Variants in SIPA1L1 observed in about 807,000 individuals in gnomAD.
SIPA1L1 encodes signal-induced proliferation-associated 1-like protein 1.
In SIPA1L1, 26 loss-of-function variants were observed where a neutral mutation model predicts 162.7. The observed-to-expected ratio is 0.16, with a 90% CI of 0.12 to 0.22. The LOEUF (loss-of-function observed/expected upper bound fraction) is 0.22. Among genes scored for constraint, SIPA1L1 ranks in the 10% least tolerant of loss-of-function variants. The pLI is 1.00. For synonymous variants in SIPA1L1, 829 were observed against 837.4 expected (o/e 0.99, Z 0.17); for missense variants, 1,874 against 2,241.0 (o/e 0.84, Z 3.31).
At chr14:71,512,078 A>G (rs961288001) in intron 2 of SIPA1L1, among the ~76,000 whole-genome samples, 2 of 151,930 alleles carry the variant, frequency 1.3e-5, no homozygotes, top group African/African-American at 4.8e-5. Context: ...GTCATGGGAA[A>G]CTCCCTTCCC....
At position 71,503,990 on chromosome 14, in the gene SIPA1L1, A is replaced by T. The variant is rs1276492107; in HGVS notation, c.-464-8753A>T. 4 of 151,936 alleles carry T rather than the reference A, an allele frequency of 2.6e-5. 1 individual carries two copies. Among genetic ancestry groups the T allele is most frequent in the Non-Finnish European group, 4.4e-5 (3 of 68,030 alleles). 9.4% of individuals were successfully genotyped at this position (151,936 alleles called of 1,614,324 possible). A position where few individuals can be genotyped will look rare whatever the true frequency, so the allele number is the denominator to read the frequency against. The stretch of plus-strand genomic sequence containing the variant: ...GGCTACTTTTCTGTATTTTTTGTAG[A>T]GACAGGGTTTTACCATGTTGTCCAG... On this transcript the variant is annotated intron_variant, in intron 2 of 23. Coordinates refer to ENST00000381232, the MANE Select transcript of SIPA1L1 (RefSeq NM_001386936.1).
At chr14:71,625,646 G>C (rs1367639766) in intron 7 of SIPA1L1, among the ~76,000 whole-genome samples, 1 of 152,162 alleles carries the variant, frequency 6.6e-6, no homozygotes, top group African/African-American at 2.4e-5. Context: ...CTATTTTGGA[G>C]GCTGTTTTCC....
At chr14:71,682,058 A>AC (rs1261354618) in intron 12 of SIPA1L1, among the ~76,000 whole-genome samples, 7 of 152,202 alleles carry the variant, frequency 4.6e-5, no homozygotes, top group Non-Finnish European at 1.0e-4. Context: ...ACACAGTCTT[A>AC]CCTACATAGT....
At chr14:71,494,639 G>C (rs138484131) in intron 2 of SIPA1L1, among the ~76,000 whole-genome samples, 1 of 150,400 alleles carries the variant, frequency 6.6e-6, no homozygotes, top group African/African-American at 2.4e-5. Context: ...CGATCCTCCC[G>C]CTTCAGCCTC....
chr14:71,435,001 A>G (rs1468826784), intron 2 of SIPA1L1, among the ~76,000 whole-genome samples: 1 of 151,326 alleles, frequency 6.6e-6, no homozygotes, highest in Non-Finnish European at 1.5e-5. Context: ...GTTGTTTCCA[A>G]TCTTTTGATA....
chr14:71,667,801 C>G (rs1007234546), intron 10 of SIPA1L1, among the ~76,000 whole-genome samples: 2 of 152,230 alleles, frequency 1.3e-5, no homozygotes, highest in African/African-American at 4.8e-5. Context: ...CGTGTTGGCT[C>G]ATGCCTGTAA....
At chr14:71,648,790 G>T (rs2042383832) in intron 7 of SIPA1L1, among the ~76,000 whole-genome samples, 1 of 152,208 alleles carries the variant, frequency 6.6e-6, no homozygotes, top group Non-Finnish European at 1.5e-5. Context: ...AGAAGTTGTA[G>T]ACATATGTTG....
At chr14:71,687,936 CACTAG>C (rs1261169768) in intron 13 of SIPA1L1, among the ~76,000 whole-genome samples, 1 of 152,172 alleles carries the variant, frequency 6.6e-6, no homozygotes, top group Non-Finnish European at 1.5e-5. Context: ...ATATTCAGTA[CACTAG>C]ACTAGGATTT....
At chr14:71,378,959 T>C (rs972105346) in intron 2 of SIPA1L1, among the ~76,000 whole-genome samples, 4 of 152,210 alleles carry the variant, frequency 2.6e-5, no homozygotes, top group African/African-American at 9.7e-5. Flanking sequence ...ATGATCTGTT[T>C]GGGCCCTGCC....
intron 2 of SIPA1L1, among the ~76,000 whole-genome samples, chr14:71,410,514 G>A (rs903617409): frequency 6.6e-6 from 1 of 152,220 alleles, no homozygotes; most frequent in African/African-American, 2.4e-5. Context: ...GGGACCGGAA[G>A]TGTTTAGGAT....
intron 5 of SIPA1L1, among the ~76,000 whole-genome samples, chr14:71,612,945 C>G (rs1203435696): frequency 6.6e-6 from 1 of 152,084 alleles, no homozygotes; most frequent in African/African-American, 2.4e-5. Flanking sequence ...TTGTACCATC[C>G]TGGTTAAAAC....
At chr14:71,679,086 C>T (rs571804047) in intron 12 of SIPA1L1, among the ~76,000 whole-genome samples, 13 of 152,092 alleles carry the variant, frequency 8.5e-5, no homozygotes, top group Non-Finnish European at 1.6e-4. Flanking sequence ...ATACAGAGAA[C>T]GCCACAAAGA....
intron 2 of SIPA1L1, among the ~76,000 whole-genome samples, chr14:71,347,133 G>T (rs576887285): frequency 8.4e-4 from 122 of 145,426 alleles, no homozygotes; most frequent in Non-Finnish European, 1.5e-3. Context: ...TTTTTTTTTC[G>T]TATTTTTAGT....
chr14:71,657,345 CAAA>C (rs561713864), intron 8 of SIPA1L1, among the ~76,000 whole-genome samples: 199 of 88,178 alleles, frequency 2.3e-3, no homozygotes, highest in Non-Finnish European at 3.9e-3. Flanking sequence ...GAGACTGTCT[CAAA>C]AAAAAAAAAA....
rs1429160263 is a variant in SIPA1L1, at chr14:71,739,569, T to C, written c.*408T>C. ...CTTTCCCTTGTTATTCTAACAAATA[T>C]CATTATTCCTAGAAAAAGAATGTTT... On this transcript the variant is annotated 3_prime_UTR_variant, in exon 24 of 24. Transcript: ENST00000381232. 2 of 152,732 alleles carry C rather than the reference T, an allele frequency of 1.3e-5. No individual in the cohort carries two copies. 9.5% of individuals were successfully genotyped at this position (152,732 alleles called of 1,614,324 possible). A position where few individuals can be genotyped will look rare whatever the true frequency, so the allele number is the denominator to read the frequency against.
At chr14:71,436,711 C>A (rs571829919) in intron 2 of SIPA1L1, among the ~76,000 whole-genome samples, 1 of 151,516 alleles carries the variant, frequency 6.6e-6, no homozygotes, top group South Asian at 2.1e-4. Context: ...TATAATTGCC[C>A]TCATTGTTCT....
chr14:71,637,699 G>A (rs757513409), intron 7 of SIPA1L1, among the ~76,000 whole-genome samples: 12 of 151,816 alleles, frequency 7.9e-5, no homozygotes, highest in Admixed American at 2.6e-4. Context: ...ACTCCAGCCT[G>A]GTTGACAGAG....
rs368866469 is a variant in SIPA1L1, at chr14:71,431,562, A to G, written c.-464-81181A>G. Reference sequence around the variant, plus strand: ...TACAAAAATTAGCTAGGTATGGTGGAGCATGCCTGTACTTCCAGCTACTTG... The same window carrying G: ...TACAAAAATTAGCTAGGTATGGTGGGGCATGCCTGTACTTCCAGCTACTTG... On this transcript the variant is annotated intron_variant, in intron 2 of 23. Coordinates refer to ENST00000381232, the MANE Select transcript of SIPA1L1 (RefSeq NM_001386936.1). 3.3e-4 allele frequency among the ~76,000 whole-genome samples: 50 copies of G among 151,906 alleles called. No homozygotes were observed. In the East Asian group the frequency reaches 7.9e-3, roughly 24 times the overall value.
intron 13 of SIPA1L1, among the ~76,000 whole-genome samples, chr14:71,698,323 C>G (rs1255904601): frequency 6.6e-6 from 1 of 152,146 alleles, no homozygotes; most frequent in Non-Finnish European, 1.5e-5. Context: ...GTGTGAAGGA[C>G]CCATAACTTT....
Sources: gnomAD v4.1 joint callset for allele counts (sites outside exome capture counted in the v4.1 genomes callset) on GRCh38, gnomAD v4.1.1 for gene constraint, MANE v1.5 for transcripts, NCBI Gene and HGNC (gene_info 2026-07-23, HGNC 2026-07-21) for gene names.